USP32: variants seen among roughly 807,000 people sequenced by gnomAD.
USP32 encodes ubiquitin specific peptidase 32.
In USP32, 59 loss-of-function variants were observed where a neutral mutation model predicts 204.8. The observed-to-expected ratio is 0.29, with a 90% CI of 0.23 to 0.36. The LOEUF (loss-of-function observed/expected upper bound fraction) is 0.36. Among genes scored for constraint, USP32 ranks in the 10% least tolerant of loss-of-function variants. The pLI is 1.00. For synonymous variants in USP32, 517 were observed against 678.4 expected (o/e 0.76, Z 3.70); for missense variants, 1,160 against 1,946.4 (o/e 0.60, Z 7.60).
chr17:60,248,241 T>C (rs2145694404), intron 11 of USP32, among the ~76,000 whole-genome samples: 1 of 152,368 alleles, frequency 6.6e-6, no homozygotes, highest in Admixed American at 6.5e-5. Context: ...CAGCTGTTTA[T>C]CACATTGTGG....
chr17:60,362,844 A>G (rs2089236515), intron 1 of USP32, among the ~76,000 whole-genome samples: 6 of 152,032 alleles, frequency 3.9e-5, no homozygotes, highest in Admixed American at 3.3e-4. Context: ...GGAGAGGAAA[A>G]AAAAAAACAA....
intron 29 of USP32, among the ~76,000 whole-genome samples, chr17:60,187,264 G>T (rs2084274468): frequency 6.6e-6 from 1 of 152,180 alleles, no homozygotes; most frequent in Non-Finnish European, 1.5e-5. Flanking sequence ...TGCAATTAAG[G>T]TTCTAGCACT....
At chr17:60,324,201 G>C (rs2088176979) in intron 2 of USP32, among the ~76,000 whole-genome samples, 1 of 151,866 alleles carries the variant, frequency 6.6e-6, no homozygotes, top group African/African-American at 2.4e-5. Context: ...AAGATTGGTT[G>C]AACCCAGGAG....
chr17:60,205,814 TA>T lies in USP32; in HGVS notation c.3038-157del, dbSNP rs562773098. ...TAATTCTAGATTTATTGGAAGATTT[TA>T]ATTTTCCAGTTTTACTTCCCTAACT... is the stretch of plus-strand genomic sequence containing the variant. On this transcript the variant is annotated intron_variant, in intron 25 of 33. Transcript: ENST00000300896. Among the ~76,000 whole-genome samples the T allele has an allele frequency of 6.7e-3, 1,018 of 152,330 alleles. 13 individuals carry two copies. The highest frequency in any genetic ancestry group is 0.023 in the African/African-American group (971 of 41,552).
At chr17:60,182,684 C>A (rs192508209) in intron 31 of USP32, among the ~76,000 whole-genome samples, 310 of 152,096 alleles carry the variant, frequency 2.0e-3, no homozygotes, top group African/African-American at 7.1e-3. Context: ...GATTGATTGA[C>A]CCCAGGAGGT....
At chr17:60,322,604 C>G (rs1018484680) in intron 2 of USP32, among the ~76,000 whole-genome samples, 1 of 151,994 alleles carries the variant, frequency 6.6e-6, no homozygotes, top group African/African-American at 2.4e-5. Flanking sequence ...TTAGAAAACA[C>G]GAAAATTAAC....
upstream of USP32, among the ~76,000 whole-genome samples, chr17:60,393,064 T>A (rs554990510): frequency 6.6e-6 from 1 of 152,318 alleles, no homozygotes; most frequent in Admixed American, 6.5e-5. Context: ...CACGTCCCAT[T>A]TCCCACCGTT....
chr17:60,421,749 G>A (rs1392594288), intron 1 of USP32: 5 of 836,514 alleles, frequency 6.0e-6, no homozygotes, highest in Non-Finnish European at 7.2e-6. Flanking sequence ...TCTGCCCACC[G>A]CGTTTCCGCC....
At chr17:60,327,470 G>C (rs1397471272) in intron 2 of USP32, among the ~76,000 whole-genome samples, 1 of 152,116 alleles carries the variant, frequency 6.6e-6, no homozygotes, top group Non-Finnish European at 1.5e-5. Flanking sequence ...AAGGCAGCGG[G>C]ACCCAGGGAC....
At chr17:60,335,962 TAAAG>T (rs2088506632) in intron 2 of USP32, among the ~76,000 whole-genome samples, 1 of 143,200 alleles carries the variant, frequency 7.0e-6, no homozygotes, top group Admixed American at 6.8e-5. Flanking sequence ...AAGTTTCTCA[TAAAG>T]ACTCACTTGG....
intron 9 of USP32, among the ~76,000 whole-genome samples, chr17:60,260,216 T>C (rs2086418821): frequency 6.6e-6 from 1 of 152,130 alleles, no homozygotes; most frequent in African/African-American, 2.4e-5. Context: ...TATAGCAATA[T>C]GGTTTTAAAA....
At chr17:60,229,811 T>C (rs1598104238) in intron 12 of USP32, among the ~76,000 whole-genome samples, 5 of 151,778 alleles carry the variant, frequency 3.3e-5, no homozygotes, top group African/African-American at 1.2e-4. Context: ...TACAAATTAC[T>C]TTTTTTTTCC....
At chr17:60,312,408 TTTGTTG>T (rs556196900) in intron 2 of USP32, among the ~76,000 whole-genome samples, 25 of 152,102 alleles carry the variant, frequency 1.6e-4, no homozygotes, top group Non-Finnish European at 3.1e-4. Flanking sequence ...TACTTTTCCA[TTTGTTG>T]TTGTTGTTGT....
chr17:60,419,605 G>C (rs1005364060), intron 1 of USP32, among the ~76,000 whole-genome samples: 2 of 150,994 alleles, frequency 1.3e-5, no homozygotes, highest in African/African-American at 2.4e-5. Context: ...TGGTGGCAGG[G>C]GCCTGTAGTC....
intron 4 of USP32, among the ~76,000 whole-genome samples, chr17:60,289,523 A>G (rs1249217812): frequency 6.6e-6 from 1 of 152,238 alleles, no homozygotes. Flanking sequence ...GAAAACATGT[A>G]TGTACACAGA....
intron 27 of USP32, among the ~76,000 whole-genome samples, chr17:60,195,863 T>C (rs923340888): frequency 3.9e-5 from 6 of 152,240 alleles, no homozygotes; most frequent in Non-Finnish European, 8.8e-5. Flanking sequence ...GAATATATCA[T>C]AGACTTCTTG....
In USP32 at chr17:60,332,507, G is replaced by T. The variant is rs981386618; in HGVS notation, c.186+12974C>A. Among the ~76,000 whole-genome samples, 3 of 152,120 alleles carry T rather than the reference G, an allele frequency of 2.0e-5. No individual in the cohort carries two copies. The South Asian group carries it at 6.2e-4, about 32-fold the overall frequency. ...TACTAAAAATAAAAAAATTAGCTGG[G>T]CGTGGTGGTGGGCGCCTGTGATCCC... On this transcript the variant is annotated intron_variant, in intron 2 of 33. Coordinates refer to ENST00000300896, the MANE Select transcript of USP32 (RefSeq NM_032582.4).
chr17:60,219,824 A>C (rs768033343), intron 15 of USP32, 37 bp from the exon 16 acceptor site: 1 of 1,563,182 alleles, frequency 6.4e-7, no homozygotes, highest in Admixed American at 2.0e-5. Context: ...TCACTAAAAA[A>C]AGAAACAAAA....
intron 5 of USP32, among the ~76,000 whole-genome samples, chr17:60,277,565 G>A (rs2086869010): frequency 6.6e-6 from 1 of 152,198 alleles, no homozygotes; most frequent in Admixed American, 6.5e-5. Context: ...AAACTAAAAT[G>A]TGGTAAGGGA....
Sources: gnomAD v4.1 joint callset for allele counts (sites outside exome capture counted in the v4.1 genomes callset) on GRCh38, gnomAD v4.1.1 for gene constraint, MANE v1.5 for transcripts, NCBI Gene and HGNC (gene_info 2026-07-23, HGNC 2026-07-21) for gene names.